The following SH3PXD2A variants were observed in gnomAD, a reference collection of about 807,000 sequenced individuals.
SH3PXD2A encodes SH3 and PX domain-containing protein 2A.
SH3PXD2A carries 32 observed loss-of-function variants against 115.2 expected under a neutral mutation model. The observed-to-expected ratio is 0.28, with a 90% confidence interval of 0.21 to 0.37. SH3PXD2A has a LOEUF of 0.37. Among genes scored for constraint, SH3PXD2A ranks in the 10% least tolerant of loss-of-function variants. The probability of loss-of-function intolerance (pLI) is 1.00; values close to 1 mark genes in which losing one functional copy is unlikely to be tolerated. For synonymous variants in SH3PXD2A, 610 were observed against 629.1 expected (o/e 0.97, Z 0.45); for missense variants, 1,328 against 1,498.7 (o/e 0.89, Z 1.88).
chr10:103,611,623 C>T lies in SH3PXD2A; in HGVS notation c.1266G>A (p.Pro422=), dbSNP rs186627264. The change falls in exon 13 of 15, where the codon CCG becomes CCA. Residue 422 remains proline, a synonymous_variant. Transcript: ENST00000369774. ...GTGGTGGAGGTCTTGTCCGTAGGTT[C>T]GGGGAGCCTAGAGGAAGAGACATGG... is the stretch of plus-strand genomic sequence containing the variant. ...IAPQRAQISS[P]NLRTRPPPRR... is the part of the protein sequence containing the mutation. 53 of 1,614,004 alleles carry T rather than the reference C, an allele frequency of 3.3e-5. No individual in the cohort carries two copies. In the Middle Eastern group the frequency reaches 4.9e-4, roughly 15 times the overall value.
intron 8 of SH3PXD2A, among the ~76,000 whole-genome samples, chr10:103,637,138 T>C (rs2036879685): frequency 6.6e-6 from 1 of 152,196 alleles, no homozygotes; most frequent in East Asian, 1.9e-4. Context: ...CCGGGACTCA[T>C]GCTCTACTCC....
chr10:103,767,643 A>C (rs1253135577), intron 2 of SH3PXD2A, among the ~76,000 whole-genome samples: 1 of 150,846 alleles, frequency 6.6e-6, no homozygotes, highest in Non-Finnish European at 1.5e-5. Context: ...GTGCTGTGGA[A>C]ACAGAACCAG....
chr10:103,827,236 C>T (rs934190575), intron 1 of SH3PXD2A, among the ~76,000 whole-genome samples: 23 of 152,068 alleles, frequency 1.5e-4, no homozygotes, highest in African/African-American at 5.3e-4. Flanking sequence ...AAAAACTGGG[C>T]CACTTCTGGG....
chr10:103,614,783 G>T (rs2133934713), intron 11 of SH3PXD2A, among the ~76,000 whole-genome samples: 1 of 149,578 alleles, frequency 6.7e-6, no homozygotes, highest in Admixed American at 6.7e-5. Context: ...CCGTCTTCCT[G>T]ATCTGACCTT....
chr10:103,835,801 C>T (rs911961282), intron 1 of SH3PXD2A, among the ~76,000 whole-genome samples: 12 of 152,190 alleles, frequency 7.9e-5, no homozygotes, highest in Non-Finnish European at 1.8e-4. Context: ...TTCATGCAGC[C>T]AGGCCTCAGA....
At position 103,742,832 on chromosome 10, in the gene SH3PXD2A, G is replaced by C. The variant is rs185191074; in HGVS notation, c.230-7024C>G. On this transcript the variant is annotated intron_variant, in intron 3 of 14. Coordinates refer to ENST00000369774, the MANE Select transcript of SH3PXD2A (RefSeq NM_001394015.1). Reference sequence around the variant, plus strand: ...GGACCTGAAGCCGAGAGAATGGGGGGGCGGGTCCTTCTCTGGCTCTGAGGG... The same window carrying C: ...GGACCTGAAGCCGAGAGAATGGGGGCGCGGGTCCTTCTCTGGCTCTGAGGG... Among the ~76,000 whole-genome samples the C allele has an allele frequency of 3.9e-5, 6 of 152,288 alleles. No homozygotes were observed. In the East Asian group the frequency reaches 9.7e-4, roughly 25 times the overall value.
chr10:103,603,330 C>G lies in SH3PXD2A; in HGVS notation c.1888G>C (p.Glu630Gln), dbSNP rs776683814. The G allele has an allele frequency of 1.9e-6, 3 of 1,614,164 alleles. No individual in the cohort carries two copies. Among genetic ancestry groups the G allele is most frequent in the Non-Finnish European group, 1.7e-6 (2 of 1,180,030 alleles). Residue 630 changes from glutamate to glutamine, a missense_variant, in exon 15 of 15, where the codon GAG (glutamate) becomes CAG (glutamine). Physicochemically the swap from Glu to Gln is conservative, Grantham distance 29 (BLOSUM62 2). Coordinates refer to ENST00000369774, the MANE Select transcript of SH3PXD2A (RefSeq NM_001394015.1). ...GAGCCTCTGGCTGACAGGGTGTCCT[C>G]TGCATATGGCCGGAAGCCCTCATTC... is the stretch of plus-strand genomic sequence containing the variant. The part of the protein sequence containing the change: ...YENEGFRPYA[E>Q]DTLSARGSSG...
chr10:103,842,883 G>C (rs1408105335), intron 1 of SH3PXD2A, among the ~76,000 whole-genome samples: 1 of 152,202 alleles, frequency 6.6e-6, no homozygotes, highest in African/African-American at 2.4e-5. Context: ...ATATGAGTAA[G>C]TATCAGCTTG....
chr10:103,651,361 C>T (rs544551623), intron 8 of SH3PXD2A, among the ~76,000 whole-genome samples: 6 of 152,372 alleles, frequency 3.9e-5, no homozygotes, highest in African/African-American at 1.4e-4. Flanking sequence ...CTTCTCTTCC[C>T]TTTCAGATTC....
At chr10:103,847,273 G>A (rs763535818) in intron 1 of SH3PXD2A, among the ~76,000 whole-genome samples, 4 of 152,048 alleles carry the variant, frequency 2.6e-5, no homozygotes, top group Non-Finnish European at 4.4e-5. Context: ...AGCCTCCCGG[G>A]TAGCTAGACT....
chr10:103,800,935 G>C (rs1011643865), intron 2 of SH3PXD2A, among the ~76,000 whole-genome samples: 4 of 152,190 alleles, frequency 2.6e-5, no homozygotes, highest in African/African-American at 4.8e-5. Flanking sequence ...AGTGGCTTCT[G>C]TCTCACCCTG....
intron 1 of SH3PXD2A, among the ~76,000 whole-genome samples, chr10:103,830,563 A>G (rs1321725329): frequency 6.6e-6 from 1 of 152,212 alleles, no homozygotes; most frequent in Non-Finnish European, 1.5e-5. Flanking sequence ...TTTGCAGTAG[A>G]GGGTGTTGGA....
At chr10:103,778,691 G>A (rs934710034) in intron 2 of SH3PXD2A, among the ~76,000 whole-genome samples, 6 of 152,228 alleles carry the variant, frequency 3.9e-5, no homozygotes, top group African/African-American at 1.4e-4. Context: ...AAGAGACTCC[G>A]GTGGTGTTTC....
intron 2 of SH3PXD2A, among the ~76,000 whole-genome samples, chr10:103,769,134 CTGTGTGTGTGTGTG>C (rs67426639): frequency 0.015 from 2,069 of 141,988 alleles, 31 homozygotes; most frequent in African/African-American, 0.025. Flanking sequence ...AGGCTAGACT[CTGTGTGTGTGTGTG>C]TGTGTGTGTG....
At position 103,596,857 on chromosome 10, in the gene SH3PXD2A, GTGTC is replaced by G. The variant is rs2036144045; in HGVS notation, c.*4955_*4958del. ...AGTCCCATTCCAGGCACAGAGATCTGTGTCTGTGCAGAAATTCACCAAATAGGGG... is the reference window on the plus strand; with the variant it reads ...AGTCCCATTCCAGGCACAGAGATCTGTGTGCAGAAATTCACCAAATAGGGG... On this transcript the variant is annotated 3_prime_UTR_variant, in exon 15 of 15. Coordinates refer to ENST00000369774, the MANE Select transcript of SH3PXD2A (RefSeq NM_001394015.1). 6.6e-6 allele frequency: 1 copy of G among 152,540 alleles called. No homozygotes were observed. Among genetic ancestry groups the G allele is most frequent in the Admixed American group, 6.5e-5 (1 of 15,278 alleles). The allele number at this position is 152,540 out of a possible 1,614,324, so 9.4% of individuals were successfully genotyped here. A position where few individuals can be genotyped will look rare whatever the true frequency, so the allele number is the denominator to read the frequency against.
intron 8 of SH3PXD2A, among the ~76,000 whole-genome samples, chr10:103,632,554 G>A (rs1451122894): frequency 6.6e-6 from 1 of 152,198 alleles, no homozygotes; most frequent in African/African-American, 2.4e-5. Context: ...AGTCGGGGTG[G>A]GCGCCTCTGC....
chr10:103,608,259 A>T, intron 13 of SH3PXD2A, among the ~76,000 whole-genome samples: 1 of 148,364 alleles, frequency 6.7e-6, no homozygotes, highest in Non-Finnish European at 1.5e-5. Context: ...GCCGGGAGAG[A>T]GGCGGGGAAC....
chr10:103,753,313 C>T (rs1271455500), intron 3 of SH3PXD2A, among the ~76,000 whole-genome samples: 2 of 94,732 alleles, frequency 2.1e-5, no homozygotes, highest in Admixed American at 1.2e-4. Context: ...AACCCTGCCT[C>T]TACCAAAAAA....
At chr10:103,676,876 G>A (rs1014243034) in intron 6 of SH3PXD2A, among the ~76,000 whole-genome samples, 4 of 152,140 alleles carry the variant, frequency 2.6e-5, no homozygotes, top group Admixed American at 2.0e-4. Flanking sequence ...TGCCTTGGTG[G>A]TCCTCCCTCA....
Sources: allele counts gnomAD v4.1 joint callset (sites outside exome capture counted in the v4.1 genomes callset), GRCh38; gene constraint gnomAD v4.1.1; transcripts MANE v1.5; gene names NCBI Gene and HGNC (gene_info 2026-07-23, HGNC 2026-07-21).